Variants in NUP62CL observed in about 807,000 individuals in gnomAD.
The protein encoded by NUP62CL is nucleoporin-62 C-terminal-like protein.
In NUP62CL, 13 loss-of-function variants were observed where a neutral mutation model predicts 15.3. The observed-to-expected ratio is 0.85, with a 90% CI of 0.55 to 1.35. The LOEUF (loss-of-function observed/expected upper bound fraction) is 1.35, where lower values mean the gene tolerates loss of function less well. NUP62CL is among the 40% of genes most tolerant of loss of function. The probability of loss-of-function intolerance (pLI) is 0.00; values close to 1 mark genes in which losing one functional copy is unlikely to be tolerated. For synonymous variants in NUP62CL, 54 were observed against 49.2 expected, an observed-to-expected ratio of 1.10 and a Z score of -0.41; for missense variants, 123 against 130.6, an observed-to-expected ratio of 0.94 and a Z score of 0.28.
chrX:107,177,249 T>A (rs980087363), intron 2 of NUP62CL, among the ~76,000 whole-genome samples: 10 of 111,905 alleles, frequency 8.9e-5, no homozygotes, highest in African/African-American at 2.9e-4. Flanking sequence ...GGACAATTTT[T>A]AAATTACATA....
chrX:107,162,139 G>A (rs180856782), intron 4 of NUP62CL, among the ~76,000 whole-genome samples: 43 of 110,773 alleles, frequency 3.9e-4, no homozygotes, highest in African/African-American at 1.3e-3. Context: ...AGTCAACAGA[G>A]GATAGAATAA....
intron 2 of NUP62CL, among the ~76,000 whole-genome samples, chrX:107,192,788 C>T: frequency 8.9e-6 from 1 of 112,207 alleles, no homozygotes; most frequent in Middle Eastern, 4.6e-3. Flanking sequence ...ATTGCTCTTA[C>T]TCTAAGGAAA....
intron 2 of NUP62CL, among the ~76,000 whole-genome samples, chrX:107,176,063 C>A (rs1198040089): frequency 1.8e-5 from 2 of 111,529 alleles, no homozygotes; most frequent in Non-Finnish European, 3.8e-5. Flanking sequence ...GCTCAGTACC[C>A]AAAGCACTGG....
intron 8 of NUP62CL, among the ~76,000 whole-genome samples, chrX:107,133,095 T>C (rs1925558886): frequency 9.0e-6 from 1 of 111,625 alleles, no homozygotes; most frequent in East Asian, 2.8e-4. Context: ...TTCCTTGCTG[T>C]CTGTTAGCTG....
chrX:107,204,789 A>ATAAATTATTTAAATAAATTTTAAT, intron 1 of NUP62CL, among the ~76,000 whole-genome samples: 3 of 88,512 alleles, frequency 3.4e-5, no homozygotes, highest in South Asian at 4.7e-4. Flanking sequence ...TAAATTTTAA[A>ATAAATTATTTAAATAAATTTTAAT]TAAATTATTT....
At chrX:107,196,295 A>G (rs1024447815) in intron 1 of NUP62CL, among the ~76,000 whole-genome samples, 1 of 112,187 alleles carries the variant, frequency 8.9e-6, no homozygotes, top group African/African-American at 3.2e-5. Flanking sequence ...TAAATATTTC[A>G]TATCCTTAGC....
intron 8 of NUP62CL, chrX:107,131,634 C>G: frequency 3.7e-6 from 2 of 533,620 alleles, no homozygotes; most frequent in Non-Finnish European, 6.6e-6. Context: ...CGCCGCGGGA[C>G]CAAGGCCGCG....
At chrX:107,180,780 T>C (rs751787703) in intron 2 of NUP62CL, among the ~76,000 whole-genome samples, 59 of 111,485 alleles carry the variant, frequency 5.3e-4, no homozygotes, top group Non-Finnish European at 9.0e-4. Flanking sequence ...ATTTATGCTA[T>C]TTATAGTTTT....
chrX:107,170,726 G>A (rs1285575), intron 3 of NUP62CL, among the ~76,000 whole-genome samples: 40,923 of 110,845 alleles, frequency 0.37, 8,130 homozygotes, highest in African/African-American at 0.77. Context: ...TTAACTTTTT[G>A]TACAGTTTTA....
At chrX:107,160,902 C>A (rs1926348477) in intron 4 of NUP62CL, among the ~76,000 whole-genome samples, 1 of 108,162 alleles carries the variant, frequency 9.2e-6, no homozygotes, top group Admixed American at 9.9e-5. Flanking sequence ...GGCTAATATC[C>A]AGAATCTACA....
At chrX:107,152,057 T>C (rs1195154255) in intron 7 of NUP62CL, among the ~76,000 whole-genome samples, 3 of 69,349 alleles carry the variant, frequency 4.3e-5, no homozygotes, top group Non-Finnish European at 7.2e-5. Flanking sequence ...CAGATATATA[T>C]ATATATATAT....
chrX:107,197,589 A>G (rs1927385798), intron 1 of NUP62CL, among the ~76,000 whole-genome samples: 1 of 108,991 alleles, frequency 9.2e-6, no homozygotes, highest in African/African-American at 3.3e-5. Flanking sequence ...GGGTGACTCA[A>G]TGCAAGCACA....
At chrX:107,189,828 G>A (rs199735869) in intron 2 of NUP62CL, among the ~76,000 whole-genome samples, 26 of 53,740 alleles carry the variant, frequency 4.8e-4, no homozygotes, top group Middle Eastern at 9.7e-3. Flanking sequence ...GAAAGAAGGA[G>A]GGAAGGAAGG....
At chrX:107,165,641 T>C (rs1037138955) in intron 4 of NUP62CL, among the ~76,000 whole-genome samples, 7 of 111,763 alleles carry the variant, frequency 6.3e-5, no homozygotes, top group African/African-American at 2.3e-4. Context: ...TCAAGTGGGA[T>C]TTATTCCACA....
At chrX:107,160,565 A>C (rs949431295) in intron 4 of NUP62CL, among the ~76,000 whole-genome samples, 1 of 111,439 alleles carries the variant, frequency 9.0e-6, no homozygotes, top group Admixed American at 9.5e-5. Flanking sequence ...TGCTGGGAAA[A>C]CTGGCTAGCC....
At chrX:107,138,288 AATCC>A (rs1398810607) in intron 8 of NUP62CL, among the ~76,000 whole-genome samples, 7 of 111,691 alleles carry the variant, frequency 6.3e-5, no homozygotes, top group African/African-American at 2.3e-4. Context: ...CCATAAACAT[AATCC>A]ATAAAATAAA....
chrX:107,164,872 G>C (rs759022698), intron 4 of NUP62CL, among the ~76,000 whole-genome samples: 1 of 112,739 alleles, frequency 8.9e-6, no homozygotes. Context: ...AGGCCCAGAC[G>C]GGAGGATCAC....
Position 107,154,200 on chromosome X carries a change from T to G in NUP62CL, c.241A>C (p.Ile81Leu). The G allele has an allele frequency of 2.5e-6, 3 of 1,207,473 alleles. No homozygotes were observed. Among genetic ancestry groups the G allele is most frequent in the Non-Finnish European group, 3.4e-6 (3 of 892,039 alleles). Residue 81 changes from isoleucine (I) to leucine (L), a missense_variant, in exon 5 of 9, where the codon ATA (isoleucine) becomes CTA (leucine). Coordinates refer to ENST00000372466, the MANE Select transcript of NUP62CL (RefSeq NM_017681.3). The stretch of plus-strand genomic sequence containing the variant: ...TCCAGCTCAAGGTTCCACTCATTTA[T>G]AAGACCCTCCAGATGACCATATGTC... ...VMTYGHLEGL[I>L]NEWNLELEDQ... is the part of the protein sequence containing the mutation.
intron 8 of NUP62CL, among the ~76,000 whole-genome samples, chrX:107,126,259 T>C (rs1925384586): frequency 8.9e-6 from 1 of 112,235 alleles, no homozygotes; most frequent in South Asian, 3.7e-4. Context: ...GGAGATATAT[T>C]CCATGTTCAT....
Sources: gnomAD v4.1 joint callset for allele counts (sites outside exome capture counted in the v4.1 genomes callset) on GRCh38, gnomAD v4.1.1 for gene constraint, MANE v1.5 for transcripts, NCBI Gene and HGNC (gene_info 2026-07-23, HGNC 2026-07-21) for gene names.